CALN1: variants seen among roughly 807,000 people sequenced by gnomAD.
CALN1 encodes calcium-binding protein 8.
Under a neutral mutation model 30.6 loss-of-function variants are expected in CALN1, and 17 were observed. That is an observed-to-expected ratio of 0.56 (90% confidence interval 0.38 to 0.83). The LOEUF (loss-of-function observed/expected upper bound fraction) is 0.83, where lower values mean the gene tolerates loss of function less well. CALN1 is among the 40% of genes least tolerant of loss of function. The pLI is 0.00. For missense variants in CALN1, 291 were observed against 354.9 expected, an observed-to-expected ratio of 0.82 and a Z score of 1.45; for synonymous variants, 156 against 131.4, an observed-to-expected ratio of 1.19 and a Z score of -1.28.
chr7:72,252,185 A>T (rs1795606355), intron 3 of CALN1, among the ~76,000 whole-genome samples: 1 of 151,982 alleles, frequency 6.6e-6, no homozygotes, highest in African/African-American at 2.4e-5. Context: ...TCTCACCTCT[A>T]TTCTTCTAGT....
chr7:71,852,385 C>T (rs12699101), intron 5 of CALN1, among the ~76,000 whole-genome samples: 5,051 of 151,232 alleles, frequency 0.033, 114 homozygotes, highest in Non-Finnish European at 0.058. Context: ...ACCTATAATC[C>T]TAGCACTTCC....
intron 2 of CALN1, among the ~76,000 whole-genome samples, chr7:72,359,248 C>T (rs546030562): frequency 2.0e-5 from 3 of 152,256 alleles, no homozygotes; most frequent in South Asian, 4.1e-4. Context: ...TCCTCCTCCC[C>T]GACCGCGTTC....
intron 2 of CALN1, among the ~76,000 whole-genome samples, chr7:72,355,832 TTA>T (rs1803188175): frequency 6.6e-6 from 1 of 152,282 alleles, no homozygotes; most frequent in African/African-American, 2.4e-5. Context: ...AAGGAAATGT[TTA>T]TGTCTTAATT....
At chr7:71,847,847 G>GAGAAGGAGAAGGAGAAGAAGAAGA (rs746393698) in intron 5 of CALN1, among the ~76,000 whole-genome samples, 1 of 134,808 alleles carries the variant, frequency 7.4e-6, no homozygotes, top group African/African-American at 2.9e-5. Flanking sequence ...GAAGGAGAAG[G>GAGAAGGAGAAGGAGAAGAAGAAGA]AGAAGAAGAA....
chr7:71,877,504 T>C lies in CALN1; in HGVS notation c.502-67012A>G, dbSNP rs575701223. Among the ~76,000 whole-genome samples, 6 of 152,280 alleles carry C rather than the reference T, an allele frequency of 3.9e-5. No individual in the cohort carries two copies. In the East Asian group the frequency reaches 7.7e-4, roughly 20 times the overall value. ...ACATATAAGATAAATATTTAGTTTA[T>C]ATAATAGCTTTTTTCTCTAATTGGG... On this transcript the variant is annotated intron_variant, in intron 5 of 6. Coordinates refer to ENST00000395275, the MANE Select transcript of CALN1 (RefSeq NM_031468.4).
chr7:71,897,972 CA>C (rs1207497270), intron 5 of CALN1, among the ~76,000 whole-genome samples: 882 of 59,088 alleles, frequency 0.015, 2 homozygotes, highest in Middle Eastern at 0.036. Flanking sequence ...AAACAAAAAA[CA>C]AAAAAAAAAA....
At chr7:71,809,093 C>A (rs1289769912) in intron 6 of CALN1, among the ~76,000 whole-genome samples, 1 of 152,142 alleles carries the variant, frequency 6.6e-6, no homozygotes, top group Non-Finnish European at 1.5e-5. Flanking sequence ...ATGCGCATGG[C>A]AGTTTTGCAG....
intron 5 of CALN1, among the ~76,000 whole-genome samples, chr7:71,897,177 A>G (rs1223579385): frequency 6.6e-6 from 1 of 152,212 alleles, no homozygotes; most frequent in Middle Eastern, 3.2e-3. Context: ...CTGTGAGTCC[A>G]GCATCACAGG....
intron 5 of CALN1, among the ~76,000 whole-genome samples, chr7:71,824,067 A>G (rs1442175483): frequency 6.6e-6 from 1 of 152,062 alleles, no homozygotes; most frequent in African/African-American, 2.4e-5. Flanking sequence ...TTGGGTGGGG[A>G]CACAGCCACA....
intron 4 of CALN1, among the ~76,000 whole-genome samples, chr7:72,033,459 G>A (rs1051154944): frequency 7.2e-5 from 11 of 152,110 alleles, no homozygotes; most frequent in African/African-American, 2.4e-4. Flanking sequence ...CATTACTCAA[G>A]GCAGAATGAA....
At chr7:72,493,896 A>AT in the CALN1 span, among the ~76,000 whole-genome samples, 3 of 152,214 alleles carry the variant, frequency 2.0e-5, no homozygotes, top group Admixed American at 1.3e-4. Flanking sequence ...CTCATCATGT[A>AT]TAAGTCTAGG....
intron 1 of CALN1, among the ~76,000 whole-genome samples, chr7:72,407,814 G>C (rs966952815): frequency 6.6e-6 from 1 of 152,166 alleles, no homozygotes; most frequent in Non-Finnish European, 1.5e-5. Flanking sequence ...CACAGGGCCG[G>C]ATGGAGGTGG....
intron 4 of CALN1, among the ~76,000 whole-genome samples, chr7:72,057,835 A>C (rs1357952221): frequency 1.3e-5 from 2 of 152,168 alleles, no homozygotes; most frequent in Non-Finnish European, 2.9e-5. Flanking sequence ...ATTGGCATGA[A>C]ATATGTTTGT....
At position 72,127,471 on chromosome 7, in the gene CALN1, A is replaced by G. The variant is rs146901520; in HGVS notation, c.245-21177T>C. ...AGTCACGGGATCTGACTTGTGTATT[A>G]AAAAGATGCCTCTGGCTACTGGACT... On this transcript the variant is annotated intron_variant, in intron 3 of 6. Coordinates refer to ENST00000395275, the MANE Select transcript of CALN1 (RefSeq NM_031468.4). 2.8e-3 allele frequency among the ~76,000 whole-genome samples: 431 copies of G among 152,278 alleles called. 2 individuals are homozygous for G. The highest frequency in any genetic ancestry group is 5.0e-3 in the Admixed American group (77 of 15,300).
chr7:71,966,938 A>G (rs1225463120), intron 5 of CALN1, among the ~76,000 whole-genome samples: 2 of 152,186 alleles, frequency 1.3e-5, no homozygotes, highest in African/African-American at 2.4e-5. Flanking sequence ...ATTCTGTCAG[A>G]ACAACAGAAA....
chr7:71,957,758 C>T (rs1797034124), intron 5 of CALN1, among the ~76,000 whole-genome samples: 1 of 151,904 alleles, frequency 6.6e-6, no homozygotes, highest in Non-Finnish European at 1.5e-5. Context: ...TGGCTCACAC[C>T]TCGCACTAAG....
chr7:72,273,913 A>T (rs539717518), intron 3 of CALN1, among the ~76,000 whole-genome samples: 2 of 152,194 alleles, frequency 1.3e-5, no homozygotes, highest in Non-Finnish European at 2.9e-5. Flanking sequence ...AAAGCAATAT[A>T]AATTATACAA....
chr7:72,352,016 T>G (rs756378418), intron 2 of CALN1, among the ~76,000 whole-genome samples: 1 of 152,148 alleles, frequency 6.6e-6, no homozygotes, highest in Non-Finnish European at 1.5e-5. Flanking sequence ...TGGTGGCTCA[T>G]GCCTGTAATC....
intron 5 of CALN1, among the ~76,000 whole-genome samples, chr7:71,942,747 A>G (rs1356461448): frequency 6.6e-6 from 1 of 152,124 alleles, no homozygotes; most frequent in Non-Finnish European, 1.5e-5. Flanking sequence ...ATAGAAGGGT[A>G]TCTGTAGTAC....
Sources: allele counts gnomAD v4.1 joint callset (sites outside exome capture counted in the v4.1 genomes callset), GRCh38; gene constraint gnomAD v4.1.1; transcripts MANE v1.5; gene names NCBI Gene and HGNC (gene_info 2026-07-23, HGNC 2026-07-21).